The following SLC14A2 variants were observed in gnomAD, a reference collection of about 807,000 sequenced individuals.
SLC14A2 encodes the protein solute carrier family 14 member 2, also known as urea transporter 2.
SLC14A2 carries 91 observed loss-of-function variants against 104.6 expected under a neutral mutation model. That is an observed-to-expected ratio of 0.87 (90% confidence interval 0.73 to 1.04). SLC14A2 has a LOEUF of 1.04. Among genes scored for constraint, SLC14A2 ranks in the 50% least tolerant of loss-of-function variants. The probability of loss-of-function intolerance (pLI) is 0.00; values close to 1 mark genes in which losing one functional copy is unlikely to be tolerated. For missense variants in SLC14A2, 1,189 were observed against 1,156.0 expected, an observed-to-expected ratio of 1.03 and a Z score of -0.41; for synonymous variants, 476 against 466.4, an observed-to-expected ratio of 1.02 and a Z score of -0.27.
intron 2 of SLC14A2, among the ~76,000 whole-genome samples, chr18:45,553,209 T>C (rs952194338): frequency 6.6e-6 from 1 of 152,230 alleles, no homozygotes; most frequent in Non-Finnish European, 1.5e-5. Context: ...GATGTCCACA[T>C]TTCTAAACAA....
At chr18:45,288,580 A>G (rs527759777) in intron 1 of SLC14A2, among the ~76,000 whole-genome samples, 1 of 152,306 alleles carries the variant, frequency 6.6e-6, no homozygotes, top group South Asian at 2.1e-4. Flanking sequence ...TATGTGGTCT[A>G]AGTTGCCAGA....
chr18:45,568,869 C>T (rs1351857101), intron 2 of SLC14A2, among the ~76,000 whole-genome samples: 3 of 152,152 alleles, frequency 2.0e-5, no homozygotes, highest in Non-Finnish European at 4.4e-5. Flanking sequence ...TGGAATAAAA[C>T]AAGAGTAATA....
intron 2 of SLC14A2, among the ~76,000 whole-genome samples, chr18:45,522,429 G>A (rs2043530020): frequency 6.6e-6 from 1 of 152,140 alleles, no homozygotes; most frequent in African/African-American, 2.4e-5. Flanking sequence ...GCCATCCCCA[G>A]AGCGGCAGCT....
At chr18:45,353,461 G>A (rs2085521979) in intron 1 of SLC14A2, among the ~76,000 whole-genome samples, 1 of 152,298 alleles carries the variant, frequency 6.6e-6, no homozygotes, top group South Asian at 2.1e-4. Context: ...TAGTGTCCTT[G>A]TAGGTCAATT....
intron 1 of SLC14A2, among the ~76,000 whole-genome samples, chr18:45,443,015 A>G (rs2086705209): frequency 6.6e-6 from 1 of 152,132 alleles, no homozygotes; most frequent in South Asian, 2.1e-4. Context: ...TTATATGTGC[A>G]TGTTTTGAAA....
intron 2 of SLC14A2, among the ~76,000 whole-genome samples, chr18:45,603,529 T>G (rs2044821698): frequency 6.6e-6 from 1 of 152,212 alleles, no homozygotes; most frequent in African/African-American, 2.4e-5. Flanking sequence ...AATTCAGTGG[T>G]TGATGTAGTC....
At chr18:45,464,765 C>T (rs2087109415) in intron 1 of SLC14A2, among the ~76,000 whole-genome samples, 7 of 152,082 alleles carry the variant, frequency 4.6e-5, no homozygotes, top group Admixed American at 3.9e-4. Flanking sequence ...GGCACGGCAC[C>T]AAGTGATCCT....
At position 45,343,656 on chromosome 18, in the gene SLC14A2, T is replaced by A. The variant is rs183439562; in HGVS notation, c.-125+130465T>A. Among the ~76,000 whole-genome samples, 12 of 152,230 alleles carry A rather than the reference T, an allele frequency of 7.9e-5. No homozygotes were observed. The East Asian group carries it at 2.3e-3, about 29-fold the overall frequency. ...ATAGCAATATCTGATAAAAATAAAA[T>A]GCTATGATTTAATTTTGGCTGAAAG... On this transcript the variant is annotated intron_variant, in intron 1 of 20. Coordinates refer to the SLC14A2 transcript ENST00000586448.
intron 1 of SLC14A2, among the ~76,000 whole-genome samples, chr18:45,409,317 T>C (rs1187576323): frequency 6.6e-6 from 1 of 152,222 alleles, no homozygotes; most frequent in Non-Finnish European, 1.5e-5. Context: ...CTTGTTTTTA[T>C]TATTTTCACC....
chr18:45,582,839 C>A (rs60469977), intron 2 of SLC14A2, among the ~76,000 whole-genome samples: 1 of 152,164 alleles, frequency 6.6e-6, no homozygotes, highest in Admixed American at 6.5e-5. Context: ...TACCCACCCC[C>A]CTTAGGAACA....
chr18:45,475,641 GGATAT>G (rs2087351792), intron 1 of SLC14A2, among the ~76,000 whole-genome samples: 6 of 11,648 alleles, frequency 5.2e-4, no homozygotes, highest in African/African-American at 1.1e-3. Context: ...TATATATTTA[GGATAT>G]ATATATATAT....
rs754944386 is a variant in SLC14A2 at position 45,420,746 on chromosome 18, TTA to T, written c.-124-62485_-124-62484del. On this transcript the variant is annotated intron_variant, in intron 1 of 20. Coordinates refer to the SLC14A2 transcript ENST00000586448. ...GGTGGAATTATTTTTATTATTATTATTATTTTTTTTTTTGAGACGGAGTCTCA... is the reference window on the plus strand; with the variant it reads ...GGTGGAATTATTTTTATTATTATTATTTTTTTTTTTTGAGACGGAGTCTCA... 2.4e-3 allele frequency among the ~76,000 whole-genome samples: 350 copies of T among 146,698 alleles called. 1 individual carries two copies. The highest frequency in any genetic ancestry group is 3.7e-3 in the Non-Finnish European group (249 of 66,530).
At chr18:45,453,858 T>G (rs2086896499) in intron 1 of SLC14A2, among the ~76,000 whole-genome samples, 1 of 9,960 alleles carries the variant, frequency 1.0e-4, no homozygotes, top group Non-Finnish European at 2.1e-4. Flanking sequence ...TTTTTTTTTT[T>G]TTTTTTTTTT....
Position 45,638,464 on chromosome 18 carries a change from C to G in SLC14A2, c.843+1282C>G, listed in dbSNP as rs116742560. Among the ~76,000 whole-genome samples the G allele has an allele frequency of 2.0e-3, 311 of 152,260 alleles. 1 individual carries two copies. The highest frequency in any genetic ancestry group is 6.9e-3 in the African/African-American group (288 of 41,554). On this transcript the variant is annotated intron_variant, in intron 6 of 19. Transcript: ENST00000255226. ...ACAAAATTTGGTCCAAAGGGAGAAA[C>G]TAAATTATTCCCAACATCTACAGCA...
intron 2 of SLC14A2, among the ~76,000 whole-genome samples, chr18:45,523,709 G>A (rs1366688991): frequency 6.6e-6 from 1 of 151,978 alleles, no homozygotes; most frequent in African/African-American, 2.4e-5. Context: ...CATCCTGCCT[G>A]TAACCCTCCC....
intron 1 of SLC14A2, among the ~76,000 whole-genome samples, chr18:45,449,058 G>T (rs993177917): frequency 3.3e-5 from 5 of 152,146 alleles, no homozygotes; most frequent in Admixed American, 1.3e-4. Context: ...GGGCATTCAG[G>T]TCAGCTGTGA....
chr18:45,474,404 G>GGA (rs570331190), intron 1 of SLC14A2, among the ~76,000 whole-genome samples: 1 of 152,284 alleles, frequency 6.6e-6, no homozygotes, highest in South Asian at 2.1e-4. Flanking sequence ...AATGAGTTAG[G>GGA]GAGGGGTCCC....
Position 45,667,905 on chromosome 18 carries a change from C to A in SLC14A2, c.1790C>A (p.Pro597His). The change falls in exon 14 of 20, where the codon CCC becomes CAC. Residue 597 changes from proline to histidine, a missense_variant. Physicochemically the swap from Pro to His is moderately conservative, Grantham distance 77. Transcript: ENST00000255226. Reference sequence around the variant, plus strand: ...TCTCAAGTGATGTTTGTGAACAACCCCCTCAGCGGCATCCTCATCATCCTC... The same window carrying A: ...TCTCAAGTGATGTTTGTGAACAACCACCTCAGCGGCATCCTCATCATCCTC... ...GTSQVMFVNN[P>H]LSGILIILGL... 6.2e-7 allele frequency: 1 copy of A among 1,614,070 alleles called. No homozygotes were observed.
At chr18:45,626,824 C>T (rs1229469905) in intron 3 of SLC14A2, 134 bp from the exon 4 acceptor site, 9 of 499,560 alleles carry the variant, frequency 1.8e-5, no homozygotes, top group East Asian at 4.2e-5. Flanking sequence ...CCCTCCACCC[C>T]GACCCCTGGC....
Sources: allele counts gnomAD v4.1 joint callset (sites outside exome capture counted in the v4.1 genomes callset), GRCh38; gene constraint gnomAD v4.1.1; transcripts MANE v1.5; gene names NCBI Gene and HGNC (gene_info 2026-07-23, HGNC 2026-07-21).